The following CAST variants were observed in gnomAD, a reference collection of about 807,000 sequenced individuals.
CAST encodes MIR583 host.
Under a neutral mutation model 119.6 loss-of-function variants are expected in CAST, and 76 were observed. That is an observed-to-expected ratio of 0.64 (90% confidence interval 0.53 to 0.77). The LOEUF (loss-of-function observed/expected upper bound fraction) is 0.77, where lower values mean the gene tolerates loss of function less well. CAST is among the 30% of genes least tolerant of loss of function. CAST has a pLI of 0.00. For missense variants in CAST, 953 were observed against 946.5 expected, an observed-to-expected ratio of 1.01 and a Z score of -0.09; for synonymous variants, 319 against 331.6, an observed-to-expected ratio of 0.96 and a Z score of 0.41.
the CAST span, among the ~76,000 whole-genome samples, chr5:96,349,139 A>ATTTTTTTTTTTTTTTTTTTT: frequency 9.8e-4 from 88 of 89,604 alleles, 6 homozygotes; most frequent in African/African-American, 3.3e-3. Flanking sequence ...CAAGGACACT[A>ATTTTTTTTTTTTTTTTTTTT]TTTTTTTTTT....
At chr5:96,578,834 T>C (rs1014788780) in intron 1 of CAST, among the ~76,000 whole-genome samples, 1 of 152,198 alleles carries the variant, frequency 6.6e-6, no homozygotes, top group African/African-American at 2.4e-5. Context: ...TATTTAAAGC[T>C]CTTTTAGCAG....
the CAST span, among the ~76,000 whole-genome samples, chr5:96,371,010 G>C: frequency 6.6e-6 from 1 of 152,094 alleles, no homozygotes; most frequent in African/African-American, 2.4e-5. Context: ...AGGAAATGAA[G>C]AACATCCGTT....
the CAST span, among the ~76,000 whole-genome samples, chr5:96,227,027 G>A: frequency 1.3e-5 from 2 of 152,172 alleles, no homozygotes; most frequent in Non-Finnish European, 2.9e-5. Context: ...CTGTCGCTCT[G>A]TAATCACATC....
chr5:96,273,952 T>C, the CAST span, among the ~76,000 whole-genome samples: 1 of 152,198 alleles, frequency 6.6e-6, no homozygotes, highest in Non-Finnish European at 1.5e-5. Flanking sequence ...TGGAGTTGCC[T>C]TTTAAAAATG....
chr5:95,997,960 AGG>A, the CAST span, among the ~76,000 whole-genome samples: 3 of 118,282 alleles, frequency 2.5e-5, no homozygotes, highest in African/African-American at 9.6e-5. Flanking sequence ...CTTTTGAGAG[AGG>A]GTTTTTTTTT....
At chr5:96,246,187 C>CTTTTTTTTTTTTTTTTTTTTTT in the CAST span, among the ~76,000 whole-genome samples, 17 of 76,386 alleles carry the variant, frequency 2.2e-4, 5 homozygotes, top group Admixed American at 9.0e-4. Context: ...GTCTGTCTTC[C>CTTTTTTTTTTTTTTTTTTTTTT]TTTTTTTTTT....
intron 1 of CAST, among the ~76,000 whole-genome samples, chr5:96,587,016 T>G (rs1746872359): frequency 6.6e-6 from 1 of 152,208 alleles, no homozygotes; most frequent in African/African-American, 2.4e-5. Context: ...AAACCGAGAT[T>G]TATTCAAGTT....
the CAST span, among the ~76,000 whole-genome samples, chr5:96,481,848 A>C: frequency 6.6e-6 from 1 of 152,222 alleles, no homozygotes; most frequent in Non-Finnish European, 1.5e-5. Flanking sequence ...TCATGCCTGC[A>C]GGGGAAGTAA....
chr5:96,719,834 G>C (rs975641987), intron 3 of CAST, among the ~76,000 whole-genome samples: 2 of 152,178 alleles, frequency 1.3e-5, no homozygotes, highest in Non-Finnish European at 2.9e-5. Flanking sequence ...GGCGTACACA[G>C]CTCGGAGGGT....
In CAST at chr5:96,622,857, C is replaced by CTTTTTTTTTTTTTTT. The variant is rs5869727; in HGVS notation, c.61-52672_61-52658dup. ...TAAGAAGTTAAGGACTTATGGGACT[C>CTTTTTTTTTTTTTTT]TTTTTTTTTTTTTTTTTTTTTTTTG... On this transcript the variant is annotated intron_variant, in intron 1 of 11. Transcript: ENST00000505143. 2.8e-4 allele frequency among the ~76,000 whole-genome samples: 18 copies of CTTTTTTTTTTTTTTT among 64,468 alleles called. 4 individuals carry two copies. The highest frequency in any genetic ancestry group is 8.0e-4 in the South Asian group (1 of 1,250). The allele number at this position is 64,468 out of a possible 152,430, so 42.3% of individuals were successfully genotyped here.
chr5:96,489,798 G>A, the CAST span, among the ~76,000 whole-genome samples: 1 of 152,076 alleles, frequency 6.6e-6, no homozygotes, highest in African/African-American at 2.4e-5. Flanking sequence ...TACACAGCTG[G>A]GCTATGAGAC....
the CAST span, among the ~76,000 whole-genome samples, chr5:96,222,399 G>A: frequency 1.0e-3 from 151 of 151,664 alleles, 1 homozygote; most frequent in Admixed American, 1.6e-3. Context: ...CAAAGACCTC[G>A]AACAACACAA....
At chr5:96,026,634 G>A in the CAST span, among the ~76,000 whole-genome samples, 1 of 152,204 alleles carries the variant, frequency 6.6e-6, no homozygotes, top group Non-Finnish European at 1.5e-5. Context: ...AAAGCAGAAT[G>A]CTTCAGGGTC....
the CAST span, among the ~76,000 whole-genome samples, chr5:96,005,217 A>G: frequency 3.3e-5 from 5 of 152,216 alleles, no homozygotes; most frequent in African/African-American, 1.2e-4. Flanking sequence ...TGAAGCCCCA[A>G]AGTCCAAGAG....
the CAST span, among the ~76,000 whole-genome samples, chr5:96,015,660 A>G: frequency 9.9e-5 from 15 of 152,180 alleles, no homozygotes; most frequent in African/African-American, 3.6e-4. Context: ...TAATGATGGT[A>G]ATGCTTACTA....
At chr5:96,628,499 T>C (rs954487659) in intron 1 of CAST, among the ~76,000 whole-genome samples, 1 of 152,178 alleles carries the variant, frequency 6.6e-6, no homozygotes, top group Non-Finnish European at 1.5e-5. Context: ...TTAGAAAGTA[T>C]CTAACCAACC....
At chr5:96,046,117 C>T in the CAST span, among the ~76,000 whole-genome samples, 1 of 151,816 alleles carries the variant, frequency 6.6e-6, no homozygotes, top group African/African-American at 2.4e-5. Context: ...GCTAGGAGGC[C>T]AGCGTGGCTG....
At chr5:96,361,832 T>TGC in the CAST span, among the ~76,000 whole-genome samples, 1 of 146,388 alleles carries the variant, frequency 6.8e-6, no homozygotes, top group Non-Finnish European at 1.5e-5. Flanking sequence ...TTTTGCTTCT[T>TGC]TTCTTTTTTT....
At chr5:96,121,203 A>G in the CAST span, among the ~76,000 whole-genome samples, 3 of 152,190 alleles carry the variant, frequency 2.0e-5, no homozygotes, top group Admixed American at 2.0e-4. Flanking sequence ...CCCAGCATAT[A>G]AAATAGTGCT....
Sources: allele counts gnomAD v4.1 joint callset (sites outside exome capture counted in the v4.1 genomes callset), GRCh38; gene constraint gnomAD v4.1.1; transcripts MANE v1.5; gene names NCBI Gene and HGNC (gene_info 2026-07-23, HGNC 2026-07-21).